The following PRIM2 variants were observed in gnomAD, a reference collection of about 807,000 sequenced individuals.
PRIM2 encodes DNA primase large subunit.
PRIM2 carries 39 observed loss-of-function variants against 67.3 expected under a neutral mutation model. The observed-to-expected ratio is 0.58, with a 90% CI of 0.45 to 0.76. PRIM2 has a LOEUF of 0.76. Among genes scored for constraint, PRIM2 ranks in the 30% least tolerant of loss-of-function variants. PRIM2 has a pLI of 0.00. For synonymous variants in PRIM2, 143 were observed against 198.7 expected, an observed-to-expected ratio of 0.72 and a Z score of 2.36; for missense variants, 398 against 598.7, an observed-to-expected ratio of 0.66 and a Z score of 3.50.
At chr6:57,525,199 A>G (rs1774721684) in intron 8 of PRIM2, among the ~76,000 whole-genome samples, 1 of 152,076 alleles carries the variant, frequency 6.6e-6, no homozygotes, top group Non-Finnish European at 1.5e-5. Context: ...TTCAGATCCT[A>G]AGAAAAAGAC....
intron 12 of PRIM2, among the ~76,000 whole-genome samples, chr6:57,614,449 A>G (rs1429285322): frequency 6.6e-6 from 1 of 151,850 alleles, no homozygotes; most frequent in Non-Finnish European, 1.5e-5. Context: ...AGACTATTGG[A>G]AAATTATTTC....
chr6:57,486,054 G>C (rs1204201375), intron 7 of PRIM2, among the ~76,000 whole-genome samples: 1 of 152,282 alleles, frequency 6.6e-6, no homozygotes, highest in Non-Finnish European at 1.5e-5. Flanking sequence ...GAGAGGTATT[G>C]GGTGTTTGTG....
intron 10 of PRIM2, among the ~76,000 whole-genome samples, chr6:57,566,893 C>T (rs1351052064): frequency 6.6e-6 from 1 of 152,100 alleles, no homozygotes; most frequent in African/African-American, 2.4e-5. Flanking sequence ...CAGCTGTAAC[C>T]TGACTTTTGG....
chr6:57,237,210 C>T, the PRIM2 span, among the ~76,000 whole-genome samples: 1 of 152,068 alleles, frequency 6.6e-6, no homozygotes, highest in African/African-American at 2.4e-5. Context: ...GCATAAATGT[C>T]TTCTTTTGAG....
chr6:57,542,934 A>T, intron 10 of PRIM2, among the ~76,000 whole-genome samples: 2 of 70,972 alleles, frequency 2.8e-5, no homozygotes, highest in African/African-American at 1.5e-4. Context: ...AATACTGCTT[A>T]TAGGATTTTT....
the PRIM2 span, among the ~76,000 whole-genome samples, chr6:57,307,401 C>T: frequency 1.3e-5 from 2 of 151,266 alleles, no homozygotes; most frequent in African/African-American, 4.9e-5. Context: ...CTATAGGCAC[C>T]CGCCACCACA....
intron 9 of PRIM2, among the ~76,000 whole-genome samples, chr6:57,536,158 C>T (rs1305075703): frequency 6.6e-5 from 10 of 152,236 alleles, no homozygotes; most frequent in East Asian, 3.9e-4. Context: ...ACTAGATGGT[C>T]ACTAGAGGGA....
the PRIM2 span, among the ~76,000 whole-genome samples, chr6:57,262,706 C>G: frequency 1.1e-3 from 160 of 151,690 alleles, 2 homozygotes; most frequent in African/African-American, 3.7e-3. Flanking sequence ...CCTGGCTCAG[C>G]CCCAAATAGC....
At chr6:57,425,542 T>A (rs1771595515) in intron 7 of PRIM2, among the ~76,000 whole-genome samples, 2 of 152,336 alleles carry the variant, frequency 1.3e-5, no homozygotes, top group South Asian at 2.1e-4. Context: ...TTATTCATAG[T>A]ATGGTCTAAT....
chr6:57,468,524 G>A (rs1362716151), intron 7 of PRIM2, among the ~76,000 whole-genome samples: 3 of 152,030 alleles, frequency 2.0e-5, no homozygotes, highest in African/African-American at 4.8e-5. Context: ...TGCTGGATTC[G>A]GTTTGCCAGT....
At chr6:57,406,556 C>T (rs1245234262) in intron 7 of PRIM2, among the ~76,000 whole-genome samples, 8 of 151,596 alleles carry the variant, frequency 5.3e-5, no homozygotes, top group Admixed American at 3.9e-4. Flanking sequence ...AAAATGTTAC[C>T]CAACAAGTTC....
chr6:57,266,926 T>C, the PRIM2 span, among the ~76,000 whole-genome samples: 4 of 152,222 alleles, frequency 2.6e-5, no homozygotes, highest in African/African-American at 9.6e-5. Context: ...TGATGAAAAG[T>C]ACTTCACACA....
At position 57,356,014 on chromosome 6, in the gene PRIM2, C is replaced by T. The variant is rs535574816; in HGVS notation, c.460-23887C>T. Among the ~76,000 whole-genome samples, 7 of 152,196 alleles carry T rather than the reference C, an allele frequency of 4.6e-5. No homozygotes were observed. In the East Asian group the frequency reaches 7.7e-4, roughly 17 times the overall value. On this transcript the variant is annotated intron_variant, in intron 5 of 13. Coordinates refer to ENST00000615550, the MANE Select transcript of PRIM2 (RefSeq NM_000947.5). ...CAGAAAATGTTTGGGGTTTTGCATT[C>T]GAGACCTAGGGTGTTAGGATAGGGC...
chr6:57,311,928 C>T (rs1767399831), upstream of PRIM2, among the ~76,000 whole-genome samples: 3 of 149,076 alleles, frequency 2.0e-5, no homozygotes, highest in South Asian at 4.3e-4. Context: ...GGAGAATCAC[C>T]GGAGCCCGAG....
intron 5 of PRIM2, among the ~76,000 whole-genome samples, chr6:57,371,766 C>T (rs911744236): frequency 1.1e-4 from 17 of 152,350 alleles, no homozygotes; most frequent in African/African-American, 4.1e-4. Context: ...CACCCTATCT[C>T]CCCAATCAGT....
the PRIM2 span, among the ~76,000 whole-genome samples, chr6:57,284,064 C>A: frequency 6.6e-6 from 1 of 152,086 alleles, no homozygotes; most frequent in Non-Finnish European, 1.5e-5. Context: ...TGGTCACTCT[C>A]CCCATAAGTA....
chr6:57,614,621 C>T (rs1370329154), intron 12 of PRIM2, among the ~76,000 whole-genome samples: 14 of 152,202 alleles, frequency 9.2e-5, no homozygotes, highest in Non-Finnish European at 1.2e-4. Flanking sequence ...GAGGCCGAAG[C>T]GGGCAGATCA....
At chr6:57,481,720 A>G (rs1773633839) in intron 7 of PRIM2, among the ~76,000 whole-genome samples, 1 of 152,146 alleles carries the variant, frequency 6.6e-6, no homozygotes, top group East Asian at 1.9e-4. Context: ...CCCACCAGCA[A>G]TGTAGGAGTG....
At chr6:57,236,660 G>A in the PRIM2 span, among the ~76,000 whole-genome samples, 1 of 151,986 alleles carries the variant, frequency 6.6e-6, no homozygotes, top group Non-Finnish European at 1.5e-5. Flanking sequence ...GTGAGAACAT[G>A]CGGTGTTTGG....
Sources: allele counts gnomAD v4.1 joint callset (sites outside exome capture counted in the v4.1 genomes callset), GRCh38; gene constraint gnomAD v4.1.1; transcripts MANE v1.5; gene names NCBI Gene and HGNC (gene_info 2026-07-23, HGNC 2026-07-21).